Variants in SLX4IP observed in about 807,000 individuals in gnomAD.
SLX4IP encodes protein SLX4IP.
In SLX4IP, 34 loss-of-function variants were observed where a neutral mutation model predicts 32.9. That is an observed-to-expected ratio of 1.03 (90% confidence interval 0.79 to 1.38). SLX4IP has a LOEUF of 1.38. Among genes scored for constraint, SLX4IP ranks in the 40% most tolerant of loss-of-function variants. SLX4IP has a pLI of 0.00. For synonymous variants in SLX4IP, 172 were observed against 171.7 expected (o/e 1.00, Z -0.01); for missense variants, 444 against 479.0 (o/e 0.93, Z 0.68).
chr20:10,618,705 T>C (rs1600162792), intron 6 of SLX4IP, among the ~76,000 whole-genome samples: 1 of 152,330 alleles, frequency 6.6e-6, no homozygotes, highest in East Asian at 1.9e-4. Context: ...GGATCATTAT[T>C]CATGGCAGAA....
intron 2 of SLX4IP, among the ~76,000 whole-genome samples, chr20:10,512,430 G>A (rs2065814804): frequency 6.6e-6 from 1 of 150,866 alleles, no homozygotes; most frequent in Non-Finnish European, 1.5e-5. Context: ...TTTTTTTAAA[G>A]AGATGGGTTT....
At position 10,487,193 on chromosome 20, in the gene SLX4IP, T is replaced by C. The variant is rs117761227; in HGVS notation, c.27+28962T>C. On this transcript the variant is annotated intron_variant, in intron 2 of 7. Transcript: ENST00000334534. ...CCAGTCTAGTCCTGCTCAGCTCTTA[T>C]TTATTCACTTTTGGAACTGTGATAC... 9.1e-3 allele frequency among the ~76,000 whole-genome samples: 1,382 copies of C among 152,288 alleles called. 14 individuals are homozygous for C. Among genetic ancestry groups the C allele is most frequent in the Middle Eastern group, 0.027 (8 of 294 alleles).
chr20:10,470,965 G>C (rs752725705), intron 2 of SLX4IP, among the ~76,000 whole-genome samples: 1 of 152,140 alleles, frequency 6.6e-6, no homozygotes, highest in Non-Finnish European at 1.5e-5. Flanking sequence ...ATGACTTTGG[G>C]TGAATTTTAT....
At chr20:10,608,043 G>A (rs1055210227) in intron 6 of SLX4IP, among the ~76,000 whole-genome samples, 4 of 152,354 alleles carry the variant, frequency 2.6e-5, no homozygotes, top group Admixed American at 1.3e-4. Context: ...GGAATAGGAT[G>A]TATCTCCATC....
At chr20:10,437,822 G>A (rs1207217989) in intron 1 of SLX4IP, among the ~76,000 whole-genome samples, 1 of 152,154 alleles carries the variant, frequency 6.6e-6, no homozygotes, top group Admixed American at 6.5e-5. Context: ...ATTGTGTGTG[G>A]CAGTAGAACA....
At chr20:10,513,956 G>T (rs536153775) in intron 2 of SLX4IP, among the ~76,000 whole-genome samples, 12 of 152,278 alleles carry the variant, frequency 7.9e-5, no homozygotes, top group Admixed American at 7.2e-4. Flanking sequence ...ATTTTCAAAG[G>T]GAGGGGAGTT....
At chr20:10,490,590 T>C (rs1384655099) in intron 2 of SLX4IP, among the ~76,000 whole-genome samples, 1 of 152,190 alleles carries the variant, frequency 6.6e-6, no homozygotes, top group East Asian at 1.9e-4. Context: ...GGGTAACCTA[T>C]TGTTTTGGCA....
chr20:10,580,672 T>C (rs888980685), intron 4 of SLX4IP, among the ~76,000 whole-genome samples: 1 of 151,934 alleles, frequency 6.6e-6, no homozygotes, highest in Non-Finnish European at 1.5e-5. Flanking sequence ...AGTACTTATA[T>C]GTGGTAGGTG....
At chr20:10,562,314 G>A (rs563848498) in intron 4 of SLX4IP, among the ~76,000 whole-genome samples, 126 of 152,282 alleles carry the variant, frequency 8.3e-4, no homozygotes, top group Admixed American at 3.5e-3. Flanking sequence ...TGAATGGAGA[G>A]GCCAGAAGGG....
intron 2 of SLX4IP, among the ~76,000 whole-genome samples, chr20:10,480,803 G>T (rs1195033237): frequency 6.6e-6 from 1 of 152,182 alleles, no homozygotes; most frequent in African/African-American, 2.4e-5. Context: ...ATTGTTTCAT[G>T]CTTGAGAACG....
chr20:10,465,886 G>A (rs556290798), intron 2 of SLX4IP, among the ~76,000 whole-genome samples: 60 of 152,268 alleles, frequency 3.9e-4, no homozygotes, highest in African/African-American at 1.2e-3. Flanking sequence ...GGCTAGTATC[G>A]GCTGTATTGG....
intron 2 of SLX4IP, among the ~76,000 whole-genome samples, chr20:10,475,637 T>C (rs1406395939): frequency 2.6e-5 from 4 of 152,246 alleles, no homozygotes; most frequent in African/African-American, 9.6e-5. Flanking sequence ...CCTTTGTTCA[T>C]GTTGCAGAAG....
intron 2 of SLX4IP, among the ~76,000 whole-genome samples, chr20:10,476,108 T>C (rs1417780197): frequency 6.6e-6 from 1 of 151,224 alleles, no homozygotes; most frequent in Non-Finnish European, 1.5e-5. Context: ...TCGGTGTGCA[T>C]TTTGAAGTGT....
At chr20:10,504,125 G>A (rs1190163933) in intron 2 of SLX4IP, among the ~76,000 whole-genome samples, 1 of 152,164 alleles carries the variant, frequency 6.6e-6, no homozygotes, top group Non-Finnish European at 1.5e-5. Flanking sequence ...AGGGTGGAGA[G>A]CGCTCTTGAC....
chr20:10,483,304 T>G (rs1235488886), intron 2 of SLX4IP, among the ~76,000 whole-genome samples: 1 of 152,096 alleles, frequency 6.6e-6, no homozygotes, highest in Non-Finnish European at 1.5e-5. Context: ...GTATTTTTAG[T>G]AGATGCGGGG....
At chr20:10,577,124 A>G (rs2066531777) in intron 4 of SLX4IP, among the ~76,000 whole-genome samples, 1 of 152,228 alleles carries the variant, frequency 6.6e-6, no homozygotes, top group African/African-American at 2.4e-5. Context: ...AATCCTTATT[A>G]GATATATTTG....
At chr20:10,477,121 A>C (rs1460250030) in intron 2 of SLX4IP, among the ~76,000 whole-genome samples, 1 of 152,156 alleles carries the variant, frequency 6.6e-6, no homozygotes, top group African/African-American at 2.4e-5. Flanking sequence ...TTAGGTTCTA[A>C]AGATACCAGT....
chr20:10,591,824 C>T (rs2066712867), intron 4 of SLX4IP, among the ~76,000 whole-genome samples: 1 of 152,110 alleles, frequency 6.6e-6, no homozygotes, highest in South Asian at 2.1e-4. Flanking sequence ...GGGAAGAAAT[C>T]TGAAGTGATC....
intron 6 of SLX4IP, among the ~76,000 whole-genome samples, chr20:10,602,143 A>C (rs2066848918): frequency 1.3e-5 from 2 of 152,280 alleles, no homozygotes. Context: ...GAAATGAAGC[A>C]AAATCCACAT....
Sources: gnomAD v4.1 joint callset for allele counts (sites outside exome capture counted in the v4.1 genomes callset) on GRCh38, gnomAD v4.1.1 for gene constraint, MANE v1.5 for transcripts, NCBI Gene and HGNC (gene_info 2026-07-23, HGNC 2026-07-21) for gene names.